TSC22D1: variants seen among roughly 807,000 people sequenced by gnomAD.
The protein encoded by TSC22D1 is TSC22 domain family protein 1.
Under a neutral mutation model 74.2 loss-of-function variants are expected in TSC22D1, and 9 were observed. The observed-to-expected ratio is 0.12, with a 90% CI of 0.07 to 0.21. The LOEUF (loss-of-function observed/expected upper bound fraction) is 0.21, where lower values mean the gene tolerates loss of function less well. Ranked by LOEUF, TSC22D1 falls within the 10% of genes least tolerant of loss-of-function variation. The pLI, the probability that TSC22D1 is intolerant of heterozygous loss-of-function variation, is 1.00. For missense variants in TSC22D1, 1,427 were observed against 1,304.7 expected (o/e 1.09, Z -1.44); for synonymous variants, 586 against 492.5 (o/e 1.19, Z -2.51).
At chr13:44,487,797 C>G (rs1878513970) in intron 1 of TSC22D1, among the ~76,000 whole-genome samples, 1 of 152,124 alleles carries the variant, frequency 6.6e-6, no homozygotes, top group Non-Finnish European at 1.5e-5. Context: ...TAGCTCACAC[C>G]TGTAATCCCA....
intron 1 of TSC22D1, among the ~76,000 whole-genome samples, chr13:44,552,905 G>T (rs1374152707): frequency 6.6e-6 from 1 of 152,126 alleles, no homozygotes; most frequent in Non-Finnish European, 1.5e-5. Context: ...GGAGAATGGC[G>T]TGAACCCGGA....
intron 1 of TSC22D1, among the ~76,000 whole-genome samples, chr13:44,441,826 C>T (rs1036113629): frequency 7.9e-5 from 12 of 151,998 alleles, no homozygotes; most frequent in African/African-American, 2.9e-4. Context: ...TAGGGATCTG[C>T]AGCAGTTCTT....
intron 1 of TSC22D1, among the ~76,000 whole-genome samples, chr13:44,552,528 C>T (rs1882352526): frequency 1.3e-5 from 2 of 152,178 alleles, no homozygotes; most frequent in South Asian, 4.1e-4. Flanking sequence ...CTAAGGTCTG[C>T]AAACCATTTA....
chr13:44,568,190 T>C (rs1335966833), intron 1 of TSC22D1, among the ~76,000 whole-genome samples: 1 of 152,080 alleles, frequency 6.6e-6, no homozygotes, highest in Non-Finnish European at 1.5e-5. Flanking sequence ...ATAAAGACAC[T>C]AGTCTCTGGA....
intron 1 of TSC22D1, among the ~76,000 whole-genome samples, chr13:44,457,323 G>A (rs1212044462): frequency 2.6e-5 from 4 of 152,124 alleles, no homozygotes; most frequent in African/African-American, 7.2e-5. Flanking sequence ...ATAAAAACAC[G>A]CATTCAACAT....
At chr13:44,450,085 GT>G (rs1238602990) in intron 1 of TSC22D1, among the ~76,000 whole-genome samples, 1 of 152,130 alleles carries the variant, frequency 6.6e-6, no homozygotes, top group Non-Finnish European at 1.5e-5. Context: ...GCCTGGGAGT[GT>G]TTCTGAGGGC....
rs1366648584 is a variant in TSC22D1 at position 44,434,510 on chromosome 13, C to T, written c.*116G>A. 2.1e-6 allele frequency: 3 copies of T among 1,443,152 alleles called. No individual in the cohort carries two copies. The highest frequency in any genetic ancestry group is 1.6e-5 in the South Asian group (1 of 62,090). 89.4% of individuals were successfully genotyped at this position (1,443,152 alleles called of 1,614,324 possible). On this transcript the variant is annotated 3_prime_UTR_variant, in exon 3 of 3. Transcript: ENST00000458659. ...GAGATAATGGCATATGTCAGTCTCA[C>T]GTCTCTTTCGCAGCGAGCAATGAAA...
intron 1 of TSC22D1, among the ~76,000 whole-genome samples, chr13:44,550,834 C>T (rs768461712): frequency 4.0e-5 from 6 of 151,334 alleles, no homozygotes; most frequent in Non-Finnish European, 7.4e-5. Flanking sequence ...CCCAGCTATT[C>T]GGGAGGCCAA....
At chr13:44,463,454 G>GAAGTTAAGGTGGCT (rs1309257050) in intron 1 of TSC22D1, among the ~76,000 whole-genome samples, 3 of 152,162 alleles carry the variant, frequency 2.0e-5, no homozygotes, top group Non-Finnish European at 2.9e-5. Context: ...CTTTGAATTA[G>GAAGTTAAGGTGGCT]AAGTTAAGGT....
chr13:44,543,039 T>C (rs1881574944), intron 1 of TSC22D1, among the ~76,000 whole-genome samples: 1 of 152,178 alleles, frequency 6.6e-6, no homozygotes, highest in Non-Finnish European at 1.5e-5. Flanking sequence ...CTCAAATGGC[T>C]GTTATAGATC....
intron 1 of TSC22D1, chr13:44,540,150 A>G (rs1881378991): frequency 3.1e-6 from 1 of 319,110 alleles, no homozygotes. Context: ...AAGCCATAAC[A>G]CACTCTGTGA....
At chr13:44,534,954 A>G (rs1246399968) in intron 1 of TSC22D1, among the ~76,000 whole-genome samples, 1 of 152,168 alleles carries the variant, frequency 6.6e-6, no homozygotes, top group East Asian at 1.9e-4. Context: ...GAAATTAAAT[A>G]TGAATCATAA....
At chr13:44,547,083 T>C (rs1261303191) in intron 1 of TSC22D1, among the ~76,000 whole-genome samples, 2 of 152,112 alleles carry the variant, frequency 1.3e-5, no homozygotes, top group Non-Finnish European at 2.9e-5. Flanking sequence ...TTTTTGCAAC[T>C]TTTGGTAAGT....
intron 1 of TSC22D1, among the ~76,000 whole-genome samples, chr13:44,454,696 T>C (rs537019067): frequency 6.6e-6 from 1 of 152,338 alleles, no homozygotes; most frequent in East Asian, 1.9e-4. Flanking sequence ...GTTATGTATA[T>C]TACCTCATTT....
chr13:44,456,020 G>T (rs561507932), intron 1 of TSC22D1, among the ~76,000 whole-genome samples: 1 of 152,172 alleles, frequency 6.6e-6, no homozygotes, highest in Non-Finnish European at 1.5e-5. Context: ...ACATAAGTCT[G>T]TATAAGACAG....
chr13:44,488,299 A>G (rs992171812), intron 1 of TSC22D1, among the ~76,000 whole-genome samples: 9 of 152,336 alleles, frequency 5.9e-5, no homozygotes, highest in African/African-American at 2.2e-4. Context: ...ATGTGCTGTA[A>G]GTGCAAAATA....
At chr13:44,466,460 G>A (rs139204167) in intron 1 of TSC22D1, among the ~76,000 whole-genome samples, 97 of 152,270 alleles carry the variant, frequency 6.4e-4, no homozygotes, top group African/African-American at 2.2e-3. Context: ...GTCACAGGAG[G>A]GGATATTTTA....
chr13:44,554,317 C>G (rs1191809065), intron 1 of TSC22D1, among the ~76,000 whole-genome samples: 1 of 152,166 alleles, frequency 6.6e-6, no homozygotes, highest in Non-Finnish European at 1.5e-5. Context: ...GACTAACGTT[C>G]ATTAAACTCT....
chr13:44,490,624 ATAG>A (rs1243868063), intron 1 of TSC22D1, among the ~76,000 whole-genome samples: 1 of 152,170 alleles, frequency 6.6e-6, no homozygotes, highest in African/African-American at 2.4e-5. Context: ...TAGGCTGGGC[ATAG>A]TAGTTCACGC....
Sources: gnomAD v4.1 joint callset for allele counts (sites outside exome capture counted in the v4.1 genomes callset) on GRCh38, gnomAD v4.1.1 for gene constraint, MANE v1.5 for transcripts, NCBI Gene and HGNC (gene_info 2026-07-23, HGNC 2026-07-21) for gene names.